The following EFCAB6 variants were observed in gnomAD, a reference collection of about 807,000 sequenced individuals.
EFCAB6 encodes the protein EF-hand calcium binding domain 6, also known as EF-hand calcium-binding domain-containing protein 6.
Under a neutral mutation model 169.8 loss-of-function variants are expected in EFCAB6, and 156 were observed. The observed-to-expected ratio is 0.92, with a 90% CI of 0.81 to 1.05. EFCAB6 has a LOEUF of 1.05. Among genes scored for constraint, EFCAB6 ranks in the 50% least tolerant of loss-of-function variants. EFCAB6 has a pLI of 0.00. For synonymous variants in EFCAB6, 698 were observed against 676.4 expected (o/e 1.03, Z -0.50); for missense variants, 1,800 against 1,829.1 (o/e 0.98, Z 0.29).
At chr22:43,722,824 C>A (rs953028562) in intron 8 of EFCAB6, among the ~76,000 whole-genome samples, 1 of 152,080 alleles carries the variant, frequency 6.6e-6, no homozygotes, top group African/African-American at 2.4e-5. Context: ...CAGTGGTGGA[C>A]TGGATAAAGA....
intron 26 of EFCAB6, among the ~76,000 whole-genome samples, chr22:43,574,993 A>G (rs739074): frequency 0.78 from 118,278 of 152,108 alleles, 46,394 homozygotes; most frequent in African/African-American, 0.87. Context: ...CCGCCCTCCC[A>G]TCAGCAATTC....
At chr22:43,615,729 A>G in intron 21 of EFCAB6, 97 bp downstream of exon 21, 1 of 1,053,224 alleles carries the variant, frequency 9.5e-7, no homozygotes, top group East Asian at 2.6e-5. Context: ...TTGTTTTCCC[A>G]TCTTAGCGTC....
intron 13 of EFCAB6, among the ~76,000 whole-genome samples, chr22:43,676,799 C>A (rs766183438): frequency 6.6e-5 from 10 of 152,172 alleles, no homozygotes; most frequent in Non-Finnish European, 1.3e-4. Context: ...AGACCATGAT[C>A]AAAAACCACG....
intron 3 of EFCAB6, among the ~76,000 whole-genome samples, chr22:43,777,799 A>C (rs2061688282): frequency 6.6e-6 from 1 of 152,212 alleles, no homozygotes; most frequent in Admixed American, 6.5e-5. Flanking sequence ...GACTATTTTA[A>C]AATACGTAAA....
intron 8 of EFCAB6, among the ~76,000 whole-genome samples, chr22:43,724,394 G>A (rs1457468356): frequency 7.4e-6 from 1 of 134,982 alleles, no homozygotes; most frequent in African/African-American, 2.8e-5. Flanking sequence ...TTGAGAAGGA[G>A]TCTCGCTCTG....
At chr22:43,666,985 G>A in intron 17 of EFCAB6, 119 bp downstream of exon 17, 1 of 1,230,202 alleles carries the variant, frequency 8.1e-7, no homozygotes, top group Non-Finnish European at 1.1e-6. Context: ...ATTGTTGAAA[G>A]ATGCCTAGAA....
At chr22:43,656,140 C>G (rs960510889) in intron 17 of EFCAB6, among the ~76,000 whole-genome samples, 1 of 152,096 alleles carries the variant, frequency 6.6e-6, no homozygotes, top group African/African-American at 2.4e-5. Context: ...CATGTAATCT[C>G]AGCACTTTGG....
intron 3 of EFCAB6, among the ~76,000 whole-genome samples, chr22:43,780,122 A>G (rs2061767521): frequency 6.6e-6 from 1 of 152,234 alleles, no homozygotes; most frequent in Non-Finnish European, 1.5e-5. Context: ...ACTTGTAAGT[A>G]TCATGAGTGA....
chr22:43,592,615 C>G lies in EFCAB6; in HGVS notation c.2877-2386G>C, dbSNP rs117865986. ...GCAGAGTGCCAAACAGAAACGGTGT[C>G]AGCCGACACTCCGTGACAAAGCTGC... On this transcript the variant is annotated intron_variant, in intron 23 of 31. Transcript: ENST00000262726. Among the ~76,000 whole-genome samples, 43 of 152,258 alleles carry G rather than the reference C, an allele frequency of 2.8e-4. No homozygotes were observed. The East Asian group carries it at 6.0e-3, about 21-fold the overall frequency.
intron 24 of EFCAB6, among the ~76,000 whole-genome samples, chr22:43,588,000 A>G (rs2051191343): frequency 6.6e-6 from 1 of 152,264 alleles, no homozygotes; most frequent in Non-Finnish European, 1.5e-5. Context: ...CAAATATTAC[A>G]TGAGACATAT....
chr22:43,558,294 CT>C (rs1450664282), intron 26 of EFCAB6, among the ~76,000 whole-genome samples: 1 of 152,178 alleles, frequency 6.6e-6, no homozygotes, highest in African/African-American at 2.4e-5. Flanking sequence ...TTTATGGTCA[CT>C]GTAAGTAGTT....
intron 8 of EFCAB6, among the ~76,000 whole-genome samples, chr22:43,723,245 C>T (rs1236930647): frequency 6.6e-6 from 1 of 152,106 alleles, no homozygotes; most frequent in African/African-American, 2.4e-5. Flanking sequence ...ATGCTATGAA[C>T]ATTGTTAAAA....
chr22:43,564,461 A>AG (rs2049291723), intron 26 of EFCAB6, among the ~76,000 whole-genome samples: 1 of 149,402 alleles, frequency 6.7e-6, no homozygotes, highest in Non-Finnish European at 1.5e-5. Flanking sequence ...AAAAAAAAGA[A>AG]AAAAAAAAAA....
intron 17 of EFCAB6, among the ~76,000 whole-genome samples, chr22:43,642,400 A>G (rs1263716108): frequency 6.6e-6 from 1 of 152,078 alleles, no homozygotes; most frequent in Non-Finnish European, 1.5e-5. Context: ...GGTACCAAAA[A>G]AAAAAAGTCT....
intron 26 of EFCAB6, 33 bp from the exon 27 acceptor site, chr22:43,555,129 G>A (rs1357208092): frequency 1.9e-6 from 3 of 1,609,280 alleles, no homozygotes; most frequent in Non-Finnish European, 2.6e-6. Flanking sequence ...TGATCCATGT[G>A]AGAAATAATC....
At chr22:43,760,070 G>A (rs879287009) in intron 5 of EFCAB6, among the ~76,000 whole-genome samples, 3 of 151,922 alleles carry the variant, frequency 2.0e-5, no homozygotes, top group Non-Finnish European at 2.9e-5. Context: ...CTAGTGTGGT[G>A]GCACACACCT....
chr22:43,528,937 C>T lies in EFCAB6; in HGVS notation c.4422G>A (p.Glu1474=). 3 of 1,608,802 alleles carry T rather than the reference C, an allele frequency of 1.9e-6. No homozygotes were observed. The highest frequency in any genetic ancestry group is 2.6e-6 in the Non-Finnish European group (3 of 1,175,638). Residue 1474 remains glutamate, a synonymous_variant, in exon 32 of 32, where the codon GAG becomes GAA. Transcript: ENST00000262726. ...CGTAATACTCCAGAATATGGAAGAA[C>T]TCTTCCTCAGAGAGGTTGATGCTGT... ...RQYSINLSEE[E]FFHILEYYDK...
chr22:43,779,305 G>C (rs1292862493), intron 3 of EFCAB6, among the ~76,000 whole-genome samples: 1 of 152,126 alleles, frequency 6.6e-6, no homozygotes, highest in Non-Finnish European at 1.5e-5. Flanking sequence ...ATATTTATTT[G>C]CTTATTTGAT....
At chr22:43,735,149 G>A (rs74739595) in intron 7 of EFCAB6, among the ~76,000 whole-genome samples, 5,704 of 152,222 alleles carry the variant, frequency 0.037, 148 homozygotes, top group Non-Finnish European at 0.054. Flanking sequence ...AGTCACAGAA[G>A]CCAAACATTT....
Sources: gnomAD v4.1 joint callset for allele counts (sites outside exome capture counted in the v4.1 genomes callset) on GRCh38, gnomAD v4.1.1 for gene constraint, MANE v1.5 for transcripts, NCBI Gene and HGNC (gene_info 2026-07-23, HGNC 2026-07-21) for gene names.